The following STX1A variants were observed in gnomAD, a reference collection of about 807,000 sequenced individuals.
STX1A encodes syntaxin-1A.
In STX1A, 4 loss-of-function variants were observed where a neutral mutation model predicts 37.8. The observed-to-expected ratio is 0.11, with a 90% confidence interval of 0.05 to 0.24. The LOEUF (loss-of-function observed/expected upper bound fraction) is 0.24, where lower values mean the gene tolerates loss of function less well. Among genes scored for constraint, STX1A ranks in the 10% least tolerant of loss-of-function variants. The probability of loss-of-function intolerance (pLI) is 1.00; values close to 1 mark genes in which losing one functional copy is unlikely to be tolerated. For synonymous variants in STX1A, 135 were observed against 147.4 expected (o/e 0.92, Z 0.61); for missense variants, 251 against 399.9 (o/e 0.63, Z 3.18).
Position 73,700,931 on chromosome 7 carries a change from G to A in STX1A, c.679-91C>T. 6.4e-7 allele frequency: 1 copy of A among 1,574,482 alleles called. No individual in the cohort carries two copies. The highest frequency in any genetic ancestry group is 8.6e-7 in the Non-Finnish European group (1 of 1,165,334). On this transcript the variant is annotated intron_variant, in intron 8 of 9. Coordinates refer to ENST00000222812, the MANE Select transcript of STX1A (RefSeq NM_004603.4). The surrounding 1 kb of genome is among the most constrained non-coding windows in gnomAD (Gnocchi z 4.4). Reference sequence around the variant, plus strand: ...CAGGACTTCAGGAAAGCACCCTGAGGCTAGAGACAAAAAGGGGGCGTGAGG... The same window carrying A: ...CAGGACTTCAGGAAAGCACCCTGAGACTAGAGACAAAAAGGGGGCGTGAGG...
chr7:73,717,522 C>A lies in STX1A; in HGVS notation c.30+2080G>T, dbSNP rs1563581626. ...GGGAACCCTAGGTCCAGAGGGAAAG[C>A]AGCCTGTGGGAACAGTGGCCCCACC... On this transcript the variant is annotated intron_variant, in intron 1 of 9. Transcript: ENST00000222812. This position sits in a 1 kb window ranked among gnomAD's most constrained non-coding sequence, Gnocchi z 4.1. Among the ~76,000 whole-genome samples the A allele has an allele frequency of 1.3e-5, 2 of 152,170 alleles. No individual in the cohort carries two copies. The highest frequency in any genetic ancestry group is 2.9e-5 in the Non-Finnish European group (2 of 68,020).
chr7:73,707,652 G>A (rs1340404809), intron 3 of STX1A, among the ~76,000 whole-genome samples: 2 of 152,198 alleles, frequency 1.3e-5, no homozygotes, highest in Non-Finnish European at 2.9e-5. Flanking sequence ...ACCTTCTTGG[G>A]GCTGGGCGTG....
intron 1 of STX1A, among the ~76,000 whole-genome samples, chr7:73,715,509 G>A (rs1387625732): frequency 3.3e-5 from 5 of 152,162 alleles, no homozygotes; most frequent in Non-Finnish European, 5.9e-5. Flanking sequence ...CATGGAGACT[G>A]CTAGGAAGAA....
intron 8 of STX1A, chr7:73,701,289 C>T (rs1468273122): frequency 3.4e-6 from 1 of 295,500 alleles, no homozygotes; most frequent in African/African-American, 2.1e-5. Context: ...TGTCTGGGGT[C>T]TTCAGTCTTT....
chr7:73,703,802 G>T lies in STX1A; in HGVS notation c.493C>A (p.Leu165Met). Residue 165 changes from leucine (L) to methionine (M), a missense_variant, in exon 7 of 10, where the codon CTG becomes ATG. Around this residue, in one of 2 missense-constraint regions of STX1A, gnomAD observed 214 missense variants for 367.6 expected, o/e 0.58. Coordinates refer to ENST00000222812, the MANE Select transcript of STX1A (RefSeq NM_004603.4). ...ITGRTTTSEE[L>M]EDMLESGNPA... Reference sequence around the variant, plus strand: ...TTCCCACTCTCCAGCATGTCCTCCAGCTCCTCACTGGTCGTGGTCCTGCCG... The same window carrying T: ...TTCCCACTCTCCAGCATGTCCTCCATCTCCTCACTGGTCGTGGTCCTGCCG... 1 of 1,613,942 alleles carries T rather than the reference G, an allele frequency of 6.2e-7. No individual in the cohort carries two copies. The highest frequency in any genetic ancestry group is 8.5e-7 in the Non-Finnish European group (1 of 1,179,960).
chr7:73,718,960 C>T (rs1274802211), intron 1 of STX1A, among the ~76,000 whole-genome samples: 1 of 113,458 alleles, frequency 8.8e-6, no homozygotes, highest in African/African-American at 3.4e-5. Flanking sequence ...GCGGGTGTGA[C>T]GCCCCCCCCC....
Position 73,703,694 on chromosome 7 carries a change from G to A in STX1A, c.540+61C>T, listed in dbSNP as rs1307183874. ...ATACTGTCCAGACCCAGCACTAGGG[G>A]TCATGGACGTAGGGAACATGGTGAG... On this transcript the variant is annotated intron_variant, in intron 7 of 9. Transcript: ENST00000222812. The A allele has an allele frequency of 3.8e-6, 6 of 1,571,386 alleles. No individual in the cohort carries two copies. In the African/African-American group the frequency reaches 5.4e-5, roughly 14 times the overall value.
Position 73,704,403 on chromosome 7 carries a change from G to T in STX1A, c.304C>A (p.Gln102Lys). 1 of 1,614,166 alleles carries T rather than the reference G, an allele frequency of 6.2e-7. No homozygotes were observed. The highest frequency in any genetic ancestry group is 1.1e-5 in the South Asian group (1 of 91,076). The change falls in exon 5 of 10, where the codon CAA becomes AAA. Residue 102 changes from glutamine (Q) to lysine (K), a missense_variant. This residue lies in a region of STX1A where 214 missense variants were observed against 367.6 expected (regional missense o/e 0.58). Coordinates refer to ENST00000222812, the MANE Select transcript of STX1A (RefSeq NM_004603.4). ...KLKSIEQSIEQEEGLNRSSAD... is the reference protein window; with the variant it reads ...KLKSIEQSIEKEEGLNRSSAD... ...GAGGAGCGGTTCAGGCCTTCCTCTT[G>T]CTCGATGGACTGCTCGATGCCTGGG...
Position 73,717,488 on chromosome 7 carries a change from T to G in STX1A, c.30+2114A>C, listed in dbSNP as rs1554618886. Among the ~76,000 whole-genome samples the G allele has an allele frequency of 4.6e-5, 7 of 152,102 alleles. No homozygotes were observed. Among genetic ancestry groups the G allele is most frequent in the Non-Finnish European group, 2.9e-5 (2 of 67,994 alleles). On this transcript the variant is annotated intron_variant, in intron 1 of 9. Transcript: ENST00000222812. The surrounding 1 kb of genome is among the most constrained non-coding windows in gnomAD (Gnocchi z 4.1). ...GAATTCTAGGCTTTCCCATCCCCAC[T>G]TCACAGATGGGAACCCTAGGTCCAG...
chr7:73,702,674 G>A lies in STX1A; in HGVS notation c.678+171C>T, dbSNP rs151012188. ...TCAAGCAGAGCCATGCAGAGGACAG[G>A]GACCTTCGGGTCGGCAGGGCCCTGG... On this transcript the variant is annotated intron_variant, in intron 8 of 9. Transcript: ENST00000222812. This position sits in a 1 kb window ranked among gnomAD's most constrained non-coding sequence, Gnocchi z 4.7. 11,027 of 1,481,612 alleles carry A rather than the reference G, an allele frequency of 7.4e-3. 44 individuals are homozygous for A. The highest frequency in any genetic ancestry group is 8.4e-3 in the Non-Finnish European group (9,387 of 1,111,722). The allele number at this position is 1,481,612 out of a possible 1,614,324, so 91.8% of individuals were successfully genotyped here. A position where few individuals can be genotyped will look rare whatever the true frequency, so the allele number is the denominator to read the frequency against.
intron 1 of STX1A, among the ~76,000 whole-genome samples, chr7:73,712,033 C>T (rs543722423): frequency 4.6e-5 from 7 of 152,176 alleles, no homozygotes; most frequent in East Asian, 3.9e-4. Context: ...CTGGACCCTC[C>T]GTCTATGAGG....
chr7:73,709,051 A>G lies in STX1A; in HGVS notation c.102T>C (p.Phe34=), dbSNP rs1554617557. 1 of 1,614,088 alleles carries G rather than the reference A, an allele frequency of 6.2e-7. No homozygotes were observed. The highest frequency in any genetic ancestry group is 8.5e-7 in the Non-Finnish European group (1 of 1,179,992). Residue 34 remains phenylalanine (F), a synonymous_variant, in exon 2 of 10, where the codon TTT becomes TTC. Transcript: ENST00000222812. This position sits in a 1 kb window ranked among gnomAD's most constrained non-coding sequence, Gnocchi z 4.2. ...VDRDRFMDEF[F]EQVEEIRGFI... ...GGGGTGTGCTGGCTCCCACCTGCTC[A>G]AAGAACTCATCCATGAAGCGGTCTC...
Position 73,706,509 on chromosome 7 carries a change from C to T in STX1A, c.209-1285G>A. On this transcript the variant is annotated intron_variant, in intron 3 of 9. Coordinates refer to ENST00000222812, the MANE Select transcript of STX1A (RefSeq NM_004603.4). The surrounding 1 kb of genome is among the most constrained non-coding windows in gnomAD (Gnocchi z 4.6). The stretch of plus-strand genomic sequence containing the variant: ...GAACCCCCAACATGAGCCCCCTCCT[C>T]TTAGCGAGAGCCTGGGACTCCGCCA... Among the ~76,000 whole-genome samples, 1 of 152,122 alleles carries T rather than the reference C, an allele frequency of 6.6e-6. No homozygotes were observed. The highest frequency in any genetic ancestry group is 1.9e-4 in the East Asian group (1 of 5,172).
At chr7:73,710,244 C>T (rs559601322) in intron 1 of STX1A, among the ~76,000 whole-genome samples, 2 of 152,362 alleles carry the variant, frequency 1.3e-5, no homozygotes, top group East Asian at 3.9e-4. Flanking sequence ...TCTGACTTCC[C>T]AGCATGCTGC....
rs542013006 is a variant in STX1A, at chr7:73,705,266, G to A, written c.209-42C>T. 33 of 1,546,780 alleles carry A rather than the reference G, an allele frequency of 2.1e-5. 1 individual carries two copies. The East Asian group carries it at 2.2e-4, about 11-fold the overall frequency. ...GGTGGGGGTAGGCCTCCTAGGCTCC[G>A]CGGGGACTGATGTGCAGGCTCAGCC... On this transcript the variant is annotated intron_variant, in intron 3 of 9. Transcript: ENST00000222812. The surrounding 1 kb of genome is among the most constrained non-coding windows in gnomAD (Gnocchi z 5.2).
intron 1 of STX1A, among the ~76,000 whole-genome samples, chr7:73,713,414 GGCTGGCCAGGGCGGGCA>G (rs1417683138): frequency 6.6e-6 from 1 of 152,170 alleles, no homozygotes; most frequent in East Asian, 1.9e-4. Context: ...TGGTGTCTTG[GGCTGGCCAGGGCGGGCA>G]CTGTATACAT....
intron 8 of STX1A, chr7:73,701,056 A>T: frequency 2.3e-6 from 2 of 880,428 alleles, no homozygotes; most frequent in East Asian, 2.7e-5. Flanking sequence ...CCCGCAGAGC[A>T]GCAATCCTGG....
intron 1 of STX1A, chr7:73,716,754 A>G (rs1343103017): frequency 6.6e-6 from 1 of 152,152 alleles, no homozygotes; most frequent in Non-Finnish European, 1.5e-5. Context: ...AGACAAATAC[A>G]TGTTCTGGGC....
chr7:73,719,636 C>G lies in STX1A; in HGVS notation c.-5G>C, dbSNP rs1396589829. On this transcript the variant is annotated 5_prime_UTR_variant, in exon 1 of 10. Transcript: ENST00000222812. ...CTCCTGGGTTCGGTCCTTCATGCTC[C>G]CGGGAGTGGCAGCGGCGCCGGCTGC... The G allele has an allele frequency of 2.6e-5, 31 of 1,197,818 alleles. No homozygotes were observed. Among genetic ancestry groups the G allele is most frequent in the Non-Finnish European group, 3.1e-5 (30 of 961,000 alleles). The allele number at this position is 1,197,818 out of a possible 1,614,324, so 74.2% of individuals were successfully genotyped here. A position where few individuals can be genotyped will look rare whatever the true frequency, so the allele number is the denominator to read the frequency against.
Sources: allele counts gnomAD v4.1 joint callset (sites outside exome capture counted in the v4.1 genomes callset), GRCh38; gene constraint gnomAD v4.1.1; regional missense constraint gnomAD v4.1.1; non-coding constraint Gnocchi (gnomAD v3.1); transcripts MANE v1.5; gene names NCBI Gene and HGNC (gene_info 2026-07-23, HGNC 2026-07-21).